The following VILL variants were observed in gnomAD, a reference collection of about 807,000 sequenced individuals.
VILL encodes villin-like protein.
Under a neutral mutation model 106.3 loss-of-function variants are expected in VILL, and 102 were observed. The observed-to-expected ratio is 0.96, with a 90% CI of 0.82 to 1.13. VILL has a LOEUF of 1.13. Ranked by LOEUF, VILL falls within the 50% of genes most tolerant of loss-of-function variation. The pLI, the probability that VILL is intolerant of heterozygous loss-of-function variation, is 0.00. For missense variants in VILL, 1,076 were observed against 1,116.6 expected, an observed-to-expected ratio of 0.96 and a Z score of 0.52; for synonymous variants, 431 against 440.3, an observed-to-expected ratio of 0.98 and a Z score of 0.27.
chr3:37,997,478 C>G lies in VILL; in HGVS notation c.562-5C>G. ...ACACCCTGACTCCCAGGTCCTCTCC[C>G]GCAGGGGCTGGCTTTGACCTACAGC... On this transcript the variant is annotated splice_region_variant and splice_polypyrimidine_tract_variant and intron_variant, in intron 6 of 19. Transcript: ENST00000383759. This position sits in a 1 kb window ranked among gnomAD's most constrained non-coding sequence, Gnocchi z 4.7. The G allele has an allele frequency of 1.9e-6, 3 of 1,613,212 alleles. No homozygotes were observed. Among genetic ancestry groups the G allele is most frequent in the Non-Finnish European group, 1.7e-6 (2 of 1,179,942 alleles).
Position 37,993,881 on chromosome 3 carries a change from G to C in VILL, c.61-17G>C. On this transcript the variant is annotated splice_polypyrimidine_tract_variant and intron_variant, in intron 2 of 19. Transcript: ENST00000383759. Reference sequence around the variant, plus strand: ...TAGAGGCCTCCTGAGTTGTTACAGGGAACTCTCCTCTCCCAGAACCGGAAG... The same window carrying C: ...TAGAGGCCTCCTGAGTTGTTACAGGCAACTCTCCTCTCCCAGAACCGGAAG... 4 of 1,614,170 alleles carry C rather than the reference G, an allele frequency of 2.5e-6. No individual in the cohort carries two copies. Among genetic ancestry groups the C allele is most frequent in the Non-Finnish European group, 3.4e-6 (4 of 1,180,022 alleles).
chr3:38,006,114 T>C (rs1441933430), intron 17 of VILL, 67 bp from the exon 18 acceptor site: 1 of 1,610,266 alleles, frequency 6.2e-7, no homozygotes, highest in Admixed American at 1.7e-5. Context: ...CTCAGGCCCC[T>C]CATGTGTCCC....
Position 38,005,881 on chromosome 3 carries a change from G to A in VILL, c.2040G>A (p.Arg680=), listed in dbSNP as rs773649129. ...QEYLKTHPAG[R]SPATPIVLVK... ...ACCTGAAGACTCACCCAGCAGGGAG[G>A]AGCCCGGCCACACCCATCGTGCTGG... Residue 680 remains arginine (R), a synonymous_variant, in exon 17 of 20, where the codon AGG becomes AGA. Transcript: ENST00000383759. The A allele has an allele frequency of 5.0e-6, 8 of 1,614,062 alleles. No individual in the cohort carries two copies. Among genetic ancestry groups the A allele is most frequent in the African/African-American group, 2.7e-5 (2 of 74,938 alleles).
chr3:37,997,809 G>T lies in VILL; in HGVS notation c.764+124G>T. The T allele has an allele frequency of 8.6e-7, 1 of 1,158,018 alleles. No homozygotes were observed. The highest frequency in any genetic ancestry group is 1.2e-6 in the Non-Finnish European group (1 of 828,104). 71.7% of individuals were successfully genotyped at this position (1,158,018 alleles called of 1,614,324 possible). A position where few individuals can be genotyped will look rare whatever the true frequency, so the allele number is the denominator to read the frequency against. ...AAAGGCTGCTGGGTTTCTGGGACAG[G>T]TCATGTGGACCGTGGGTCCAGCCTG... On this transcript the variant is annotated intron_variant, in intron 7 of 19. Transcript: ENST00000383759. This position sits in a 1 kb window ranked among gnomAD's most constrained non-coding sequence, Gnocchi z 4.7.
intron 1 of VILL, 98 bp from the exon 2 acceptor site, chr3:37,993,489 C>G: frequency 1.6e-6 from 1 of 614,078 alleles, no homozygotes; most frequent in Non-Finnish European, 2.9e-6. Flanking sequence ...ATCAGCTGAG[C>G]CTGTCACTTG....
chr3:38,006,612 C>G lies in VILL; in HGVS notation c.2369C>G (p.Ala790Gly). The G allele has an allele frequency of 4.3e-6, 7 of 1,614,076 alleles. No individual in the cohort carries two copies. The highest frequency in any genetic ancestry group is 5.9e-6 in the Non-Finnish European group (7 of 1,180,036). ...RTSSSVSSTS[A>G]TINGGLRREQ... is the part of the protein sequence containing the mutation. ...AGCAGCTCCGTCAGCAGCACCAGCGCCACGATCAACGGGGGCCTGCGCCGG... is the reference window on the plus strand; with the variant it reads ...AGCAGCTCCGTCAGCAGCACCAGCGGCACGATCAACGGGGGCCTGCGCCGG... Residue 790 changes from alanine (A) to glycine (G), a missense_variant, in exon 19 of 20, where the codon GCC becomes GGC. Coordinates refer to ENST00000383759, the MANE Select transcript of VILL (RefSeq NM_015873.4).
intron 4 of VILL, among the ~76,000 whole-genome samples, chr3:37,995,517 A>G (rs1297736282): frequency 1.3e-5 from 2 of 152,250 alleles, no homozygotes; most frequent in Non-Finnish European, 2.9e-5. Flanking sequence ...ATGTGTCCAC[A>G]TGACTACGCA....
chr3:38,001,933 T>C (rs1240556190), intron 13 of VILL, 73 bp downstream of exon 13: 1 of 1,603,266 alleles, frequency 6.2e-7, no homozygotes, highest in Non-Finnish European at 8.5e-7. Context: ...CACACACTTC[T>C]AAGCACCTTC....
intron 16 of VILL, 36 bp from the exon 17 acceptor site, chr3:38,005,756 C>T (rs779806598): frequency 6.3e-7 from 1 of 1,577,628 alleles, no homozygotes; most frequent in Admixed American, 1.8e-5. Context: ...GGCAGCCCCT[C>T]CACCTGCCCA....
intron 13 of VILL, 130 bp downstream of exon 13, chr3:38,001,990 T>G (rs1437406073): frequency 1.4e-6 from 2 of 1,448,676 alleles, no homozygotes; most frequent in African/African-American, 2.8e-5. Flanking sequence ...TCCCAGAGCT[T>G]GTCCAAGGCC....
At chr3:37,994,535 A>T in intron 4 of VILL, 69 bp downstream of exon 4, 2 of 1,556,694 alleles carry the variant, frequency 1.3e-6, no homozygotes, top group Non-Finnish European at 1.7e-6. Context: ...CAGTCTTGGG[A>T]TGGCCATCGT....
In VILL at chr3:37,998,898, G is replaced by T; in HGVS notation, c.943-14G>T. 6.3e-7 allele frequency: 1 copy of T among 1,584,702 alleles called. No homozygotes were observed. Among genetic ancestry groups the T allele is most frequent in the Non-Finnish European group, 8.6e-7 (1 of 1,158,830 alleles). ...CTCTCAGGGTCGCAGGACTGACGAT[G>T]CCTTCCGCCCCAGGGCTTCATCCAG... is the stretch of plus-strand genomic sequence containing the variant. On this transcript the variant is annotated splice_polypyrimidine_tract_variant and intron_variant, in intron 9 of 19. Coordinates refer to ENST00000383759, the MANE Select transcript of VILL (RefSeq NM_015873.4). This position sits in a 1 kb window ranked among gnomAD's most constrained non-coding sequence, Gnocchi z 4.1.
chr3:38,006,749 G>A, intron 19 of VILL, 49 bp downstream of exon 19: 2 of 1,562,282 alleles, frequency 1.3e-6, no homozygotes, highest in South Asian at 1.2e-5. Context: ...ACACTGAGCT[G>A]GAGGAGCCCA....
rs550354652 is a variant in VILL, at chr3:37,993,987, G to A, written c.135+15G>A. On this transcript the variant is annotated intron_variant, in intron 3 of 19. Coordinates refer to ENST00000383759, the MANE Select transcript of VILL (RefSeq NM_015873.4). ...TCATCCTCCACGTGAGTCGCTTGGG[G>A]AAGTCTGCCTGAGAGGGGTGGCATG... 5.6e-6 allele frequency: 9 copies of A among 1,614,166 alleles called. No individual in the cohort carries two copies. The East Asian group carries it at 1.3e-4, about 24-fold the overall frequency.
At chr3:37,991,484 C>T (rs891790147) in intron 1 of VILL, among the ~76,000 whole-genome samples, 4 of 150,480 alleles carry the variant, frequency 2.7e-5, no homozygotes, top group Non-Finnish European at 5.9e-5. Flanking sequence ...AGGGAAGGAT[C>T]CCAGGGGAGA....
At chr3:38,004,112 G>C in intron 15 of VILL, 143 bp from the exon 16 acceptor site, 2 of 1,137,238 alleles carry the variant, frequency 1.8e-6, no homozygotes, top group Non-Finnish European at 2.4e-6. Flanking sequence ...CGGAGTGCTC[G>C]GGGAGAAACC....
chr3:38,000,196 T>C (rs1699787098), intron 11 of VILL, among the ~76,000 whole-genome samples: 1 of 152,222 alleles, frequency 6.6e-6, no homozygotes, highest in East Asian at 1.9e-4. Context: ...GTCCTAGTTC[T>C]CGAGGTAGGT....
chr3:38,002,996 G>A, intron 14 of VILL, 172 bp from the exon 15 acceptor site: 1 of 831,232 alleles, frequency 1.2e-6, no homozygotes, highest in South Asian at 1.9e-5. Context: ...ATCAACTGGG[G>A]ACACAGGCCT....
At position 37,997,432 on chromosome 3, in the gene VILL, C is replaced by A; in HGVS notation, c.562-51C>A. ...TGAGCAGTGACAGGAGAAGTCTCTG[C>A]TGTGAGAGGGCACACTGGTGACACC... On this transcript the variant is annotated intron_variant, in intron 6 of 19. Coordinates refer to ENST00000383759, the MANE Select transcript of VILL (RefSeq NM_015873.4). This position sits in a 1 kb window ranked among gnomAD's most constrained non-coding sequence, Gnocchi z 4.7. 2 of 1,588,406 alleles carry A rather than the reference C, an allele frequency of 1.3e-6. No individual in the cohort carries two copies. Among genetic ancestry groups the A allele is most frequent in the Non-Finnish European group, 1.7e-6 (2 of 1,163,632 alleles).
Sources: gnomAD v4.1 joint callset for allele counts (sites outside exome capture counted in the v4.1 genomes callset) on GRCh38, gnomAD v4.1.1 for gene constraint, Gnocchi (gnomAD v3.1) non-coding constraint, MANE v1.5 for transcripts, NCBI Gene and HGNC (gene_info 2026-07-23, HGNC 2026-07-21) for gene names.